Variants in ARHGAP25 observed in about 807,000 individuals in gnomAD.
ARHGAP25 encodes Rho GTPase activating protein 25, also known as rho GTPase-activating protein 25.
In ARHGAP25, 34 loss-of-function variants were observed where a neutral mutation model predicts 71.0. The ratio of observed to expected loss-of-function variants is 0.48; its 90% CI spans 0.36 to 0.64. The LOEUF is 0.64. Among genes scored for constraint, ARHGAP25 ranks in the 30% least tolerant of loss-of-function variants. ARHGAP25 has a pLI of 0.00. For missense variants in ARHGAP25, 706 were observed against 805.1 expected, an observed-to-expected ratio of 0.88 and a Z score of 1.49; for synonymous variants, 282 against 296.5, an observed-to-expected ratio of 0.95 and a Z score of 0.50.
chr2:68,808,924 G>A (rs1352027364), intron 5 of ARHGAP25, among the ~76,000 whole-genome samples: 1 of 152,028 alleles, frequency 6.6e-6, no homozygotes, highest in African/African-American at 2.4e-5. Context: ...GCTGGAAGAA[G>A]GAAAATTACC....
At chr2:68,753,902 G>T (rs1451161822) in intron 1 of ARHGAP25, among the ~76,000 whole-genome samples, 2 of 137,854 alleles carry the variant, frequency 1.5e-5, no homozygotes, top group Non-Finnish European at 3.2e-5. Context: ...TCGGTAAGAT[G>T]TATTTTTTTT....
intron 4 of ARHGAP25, among the ~76,000 whole-genome samples, chr2:68,804,283 T>C (rs1015902720): frequency 1.3e-5 from 2 of 152,172 alleles, no homozygotes; most frequent in African/African-American, 2.4e-5. Flanking sequence ...TACATTGTGT[T>C]TGTGCTATCT....
At position 68,818,009 on chromosome 2, in the gene ARHGAP25, G is replaced by A. The variant is rs761417128; in HGVS notation, c.1003+15G>A. On this transcript the variant is annotated intron_variant, in intron 8 of 10. Coordinates refer to ENST00000409202, the MANE Select transcript of ARHGAP25 (RefSeq NM_001007231.3). ...GATCATGAGAGGTATGGCTGGTCCC[G>A]TAGTGAAAGCAGGTACCCAGGAAAT... is the stretch of plus-strand genomic sequence containing the variant. 21 of 1,613,540 alleles carry A rather than the reference G, an allele frequency of 1.3e-5. No individual in the cohort carries two copies. Among genetic ancestry groups the A allele is most frequent in the South Asian group, 2.2e-5 (2 of 91,052 alleles).
intron 5 of ARHGAP25, among the ~76,000 whole-genome samples, chr2:68,811,918 C>T (rs1350336417): frequency 6.6e-6 from 1 of 152,280 alleles, no homozygotes; most frequent in African/African-American, 2.4e-5. Flanking sequence ...CAGCTTTTCA[C>T]GATGCTACCA....
intron 1 of ARHGAP25, among the ~76,000 whole-genome samples, chr2:68,744,236 A>G (rs916523397): frequency 5.3e-5 from 8 of 151,988 alleles, no homozygotes; most frequent in African/African-American, 1.2e-4. Flanking sequence ...TAAGTTTGCT[A>G]TTCTGCTTTC....
chr2:68,788,057 A>G (rs772063663), intron 4 of ARHGAP25, 101 bp downstream of exon 4: 3 of 923,060 alleles, frequency 3.3e-6, no homozygotes, highest in Non-Finnish European at 5.2e-6. Flanking sequence ...CTCAAGGGAG[A>G]CAACCAGAAA....
intron 1 of ARHGAP25, among the ~76,000 whole-genome samples, chr2:68,746,145 A>G (rs1331822929): frequency 6.6e-6 from 1 of 152,072 alleles, no homozygotes; most frequent in African/African-American, 2.4e-5. Flanking sequence ...ATTTTCCCCA[A>G]AGCTTTTATG....
rs969315066 is a variant in ARHGAP25 at position 68,746,625 on chromosome 2, G to A, written c.61+11365G>A. 3.3e-5 allele frequency among the ~76,000 whole-genome samples: 5 copies of A among 151,890 alleles called. No homozygotes were observed. The East Asian group carries it at 9.7e-4, about 29-fold the overall frequency. On this transcript the variant is annotated intron_variant, in intron 1 of 10. Coordinates refer to ENST00000409202, the MANE Select transcript of ARHGAP25 (RefSeq NM_001007231.3). ...GGCTGGGGTGTCCACATTCATGTGTGTAAGGCCCCTGACTGTGAAAAATGG... is the reference window on the plus strand; with the variant it reads ...GGCTGGGGTGTCCACATTCATGTGTATAAGGCCCCTGACTGTGAAAAATGG...
At chr2:68,797,848 T>C (rs190813071) in intron 4 of ARHGAP25, among the ~76,000 whole-genome samples, 4 of 152,348 alleles carry the variant, frequency 2.6e-5, no homozygotes, top group African/African-American at 9.6e-5. Flanking sequence ...AATTCCCCAG[T>C]GGGAAAGTGG....
chr2:68,777,446 G>A (rs1678005128), intron 2 of ARHGAP25, among the ~76,000 whole-genome samples: 1 of 152,192 alleles, frequency 6.6e-6, no homozygotes, highest in African/African-American at 2.4e-5. Context: ...ATAAAAAACT[G>A]TTTTGTTAAA....
intron 3 of ARHGAP25, among the ~76,000 whole-genome samples, chr2:68,785,277 T>C (rs1015654096): frequency 6.6e-6 from 1 of 152,168 alleles, no homozygotes; most frequent in African/African-American, 2.4e-5. Context: ...TTCTTTTGAA[T>C]TGAAAACAAA....
chr2:68,755,363 A>C (rs1341952438), intron 1 of ARHGAP25, among the ~76,000 whole-genome samples: 2 of 152,188 alleles, frequency 1.3e-5, no homozygotes, highest in African/African-American at 4.8e-5. Flanking sequence ...TTTATCACTC[A>C]GAGAAAAGTG....
upstream of ARHGAP25, among the ~76,000 whole-genome samples, chr2:68,731,767 G>A (rs867889328): frequency 7.9e-5 from 12 of 151,842 alleles, no homozygotes; most frequent in Middle Eastern, 0.01. Flanking sequence ...CTTCTTCCAG[G>A]AACCCTTCCT....
At chr2:68,804,667 C>T (rs909440895) in intron 4 of ARHGAP25, among the ~76,000 whole-genome samples, 9 of 152,222 alleles carry the variant, frequency 5.9e-5, no homozygotes, top group African/African-American at 2.2e-4. Context: ...ACAACCCATT[C>T]CATGGAACCT....
chr2:68,768,728 T>G (rs1336692586), intron 1 of ARHGAP25, among the ~76,000 whole-genome samples: 7 of 152,206 alleles, frequency 4.6e-5, no homozygotes, highest in Non-Finnish European at 1.5e-5. Flanking sequence ...CCCCCTAGTC[T>G]CTTTCTTAAT....
At chr2:68,805,883 A>G (rs574700806) in intron 4 of ARHGAP25, among the ~76,000 whole-genome samples, 2 of 152,298 alleles carry the variant, frequency 1.3e-5, no homozygotes, top group Admixed American at 6.5e-5. Flanking sequence ...TGGCAGAGGG[A>G]AAGTCACGCA....
At chr2:68,744,601 T>C (rs1017442129) in intron 1 of ARHGAP25, among the ~76,000 whole-genome samples, 1 of 152,244 alleles carries the variant, frequency 6.6e-6, no homozygotes, top group Non-Finnish European at 1.5e-5. Flanking sequence ...CAGGGTTTGT[T>C]CTGTAACAAA....
rs779441895 is a variant in ARHGAP25, at chr2:68,824,551, G to A, written c.1734-1436G>A. ...AGGTCAGGAGATCGAGACCATCCTG[G>A]CTAACACGGTGAAACCATGTCTCTC... is the stretch of plus-strand genomic sequence containing the variant. On this transcript the variant is annotated intron_variant, in intron 10 of 10. Coordinates refer to ENST00000409202, the MANE Select transcript of ARHGAP25 (RefSeq NM_001007231.3). Among the ~76,000 whole-genome samples the A allele has an allele frequency of 7.2e-5, 11 of 152,294 alleles. No individual in the cohort carries two copies. The East Asian group carries it at 7.7e-4, about 11-fold the overall frequency.
chr2:68,816,589 G>A (rs1386959638), intron 7 of ARHGAP25: 1 of 530,838 alleles, frequency 1.9e-6, no homozygotes. Flanking sequence ...GCCTGCCTCA[G>A]CACTGCCCAG....
Sources: allele counts gnomAD v4.1 joint callset (sites outside exome capture counted in the v4.1 genomes callset), GRCh38; gene constraint gnomAD v4.1.1; transcripts MANE v1.5; gene names NCBI Gene and HGNC (gene_info 2026-07-23, HGNC 2026-07-21).